The following NPSR1 variants were observed in gnomAD, a reference collection of about 807,000 sequenced individuals.
NPSR1 encodes neuropeptide S receptor 1, also known as neuropeptide S receptor.
A neutral mutation model predicts 46.9 loss-of-function variants in NPSR1; 48 were observed. That is an observed-to-expected ratio of 1.02 (90% CI 0.81 to 1.30). NPSR1 has a LOEUF of 1.30. Ranked by LOEUF, NPSR1 falls within the 50% of genes most tolerant of loss-of-function variation. NPSR1 has a pLI of 0.00. For missense variants in NPSR1, 450 were observed against 449.5 expected (o/e 1.00, Z -0.01); for synonymous variants, 176 against 168.1 (o/e 1.05, Z -0.36).
At chr7:34,786,403 A>G in intron 3 of NPSR1, among the ~76,000 whole-genome samples, 1 of 152,196 alleles carries the variant, frequency 6.6e-6, no homozygotes, top group Non-Finnish European at 1.5e-5. Context: ...CCACTTTCGC[A>G]GTACCTTTCT....
intron 3 of NPSR1, among the ~76,000 whole-genome samples, chr7:34,791,555 A>G (rs1275633069): frequency 4.0e-5 from 6 of 151,846 alleles, no homozygotes; most frequent in Admixed American, 3.9e-4. Context: ...GAAAGAAATT[A>G]AACTAGGCAA....
chr7:34,871,025 A>C (rs1240352017), intron 8 of NPSR1, among the ~76,000 whole-genome samples: 1 of 151,750 alleles, frequency 6.6e-6, no homozygotes, highest in Non-Finnish European at 1.5e-5. Flanking sequence ...TGGAGGTGGC[A>C]AGTGAGATTA....
At chr7:34,749,927 G>T (rs945305673) in intron 2 of NPSR1, among the ~76,000 whole-genome samples, 1 of 152,004 alleles carries the variant, frequency 6.6e-6, no homozygotes. Flanking sequence ...AAATAGGGTC[G>T]GGCTGCTGTT....
intron 4 of NPSR1, among the ~76,000 whole-genome samples, chr7:34,821,127 CTTTT>C (rs35086136): frequency 2.1e-5 from 2 of 94,854 alleles, no homozygotes; most frequent in African/African-American, 7.9e-5. Flanking sequence ...TTGTGATACA[CTTTT>C]TTTTTTTTTT....
chr7:34,767,242 G>A (rs60503198), intron 2 of NPSR1, among the ~76,000 whole-genome samples: 7,708 of 152,174 alleles, frequency 0.051, 626 homozygotes, highest in African/African-American at 0.17. Context: ...CAGGTAGAGC[G>A]TACATGGGAA....
At chr7:34,743,329 G>T (rs1258369281) in intron 2 of NPSR1, among the ~76,000 whole-genome samples, 9 of 152,122 alleles carry the variant, frequency 5.9e-5, no homozygotes, top group Non-Finnish European at 1.3e-4. Flanking sequence ...TTTGTATGTG[G>T]TGTAAGGAAG....
intron 2 of NPSR1, among the ~76,000 whole-genome samples, chr7:34,698,041 A>G (rs759602253): frequency 6.6e-6 from 1 of 152,164 alleles, no homozygotes; most frequent in Non-Finnish European, 1.5e-5. Flanking sequence ...GTAAAATGAT[A>G]AAAAATAATG....
chr7:34,659,345 T>C (rs900373434), intron 1 of NPSR1, among the ~76,000 whole-genome samples: 1 of 152,226 alleles, frequency 6.6e-6, no homozygotes, highest in East Asian at 1.9e-4. Flanking sequence ...TGTTTAGTCA[T>C]TGCAATAATT....
At chr7:34,766,955 T>C (rs967631960) in intron 2 of NPSR1, among the ~76,000 whole-genome samples, 2 of 152,152 alleles carry the variant, frequency 1.3e-5, no homozygotes, top group African/African-American at 2.4e-5. Context: ...ATCACAAAAC[T>C]ATAATGATAA....
intron 2 of NPSR1, among the ~76,000 whole-genome samples, chr7:34,697,525 A>G (rs990946276): frequency 6.6e-6 from 1 of 151,994 alleles, no homozygotes; most frequent in Non-Finnish European, 1.5e-5. Flanking sequence ...AGTCCCTTAC[A>G]TAAAATAGAT....
chr7:34,740,907 C>G (rs1784908535), intron 2 of NPSR1, among the ~76,000 whole-genome samples: 1 of 152,176 alleles, frequency 6.6e-6, no homozygotes, highest in Non-Finnish European at 1.5e-5. Flanking sequence ...CAGCTGCAAT[C>G]TAGTCCTGCC....
Position 34,778,507 on chromosome 7 carries a change from G to A in NPSR1, c.326G>A (p.Arg109Gln), listed in dbSNP as rs568145224. Residue 109 changes from arginine (R) to glutamine (Q), a missense_variant, in exon 3 of 9, where the codon CGA (arginine) becomes CAA (glutamine). Physicochemically the swap from Arg to Gln is conservative, Grantham distance 43 (BLOSUM62 1). Coordinates refer to ENST00000360581, the MANE Select transcript of NPSR1 (RefSeq NM_207172.2). Reference sequence around the variant, plus strand: ...AACATCTTGACAGATATTAATTGGCGATTCACTGGAGACTTCACGGCACCT... The same window carrying A: ...AACATCTTGACAGATATTAATTGGCAATTCACTGGAGACTTCACGGCACCT... Reference protein sequence around the residue: ...LVNILTDINWRFTGDFTAPDL... With the variant: ...LVNILTDINWQFTGDFTAPDL... The A allele has an allele frequency of 1.4e-5, 23 of 1,612,836 alleles. No homozygotes were observed. The highest frequency in any genetic ancestry group is 6.6e-5 in the South Asian group (6 of 91,008).
downstream of NPSR1, among the ~76,000 whole-genome samples, chr7:34,853,158 A>T (rs867099260): frequency 1.3e-5 from 2 of 152,178 alleles, no homozygotes; most frequent in Non-Finnish European, 2.9e-5. Context: ...CTGTATACTC[A>T]TATACAGAAA....
intron 2 of NPSR1, among the ~76,000 whole-genome samples, chr7:34,705,197 C>T (rs934603974): frequency 4.6e-5 from 7 of 151,888 alleles, no homozygotes; most frequent in Admixed American, 1.3e-4. Flanking sequence ...GAGGCTGAGG[C>T]GGGCAGATCA....
intron 6 of NPSR1, among the ~76,000 whole-genome samples, chr7:34,840,819 C>T (rs1173953902): frequency 6.6e-6 from 1 of 152,166 alleles, no homozygotes; most frequent in Admixed American, 6.5e-5. Context: ...ACCATAGAGG[C>T]ACAGGCGGTG....
intron 3 of NPSR1, among the ~76,000 whole-genome samples, chr7:34,805,020 T>A (rs1313022591): frequency 6.7e-6 from 1 of 149,666 alleles, no homozygotes; most frequent in African/African-American, 2.4e-5. Context: ...ACAAAACTGA[T>A]GGAAAAAAAA....
intron 2 of NPSR1, chr7:34,719,208 T>C (rs1028606270): frequency 3.9e-5 from 6 of 152,358 alleles, no homozygotes; most frequent in African/African-American, 1.4e-4. Context: ...ATTAATAGAA[T>C]GTGGAAAAAT....
chr7:34,815,153 C>A (rs2128751953), intron 4 of NPSR1, among the ~76,000 whole-genome samples: 1 of 152,168 alleles, frequency 6.6e-6, no homozygotes, highest in East Asian at 1.9e-4. Flanking sequence ...AAACCCATTG[C>A]AAGGAAGCTA....
At chr7:34,791,739 C>T (rs1787892863) in intron 3 of NPSR1, among the ~76,000 whole-genome samples, 1 of 151,960 alleles carries the variant, frequency 6.6e-6, no homozygotes, top group South Asian at 2.1e-4. Flanking sequence ...CCCAGAATTG[C>T]CAGTGTTAAC....
Sources: allele counts gnomAD v4.1 joint callset (sites outside exome capture counted in the v4.1 genomes callset), GRCh38; gene constraint gnomAD v4.1.1; transcripts MANE v1.5; gene names NCBI Gene and HGNC (gene_info 2026-07-23, HGNC 2026-07-21).